The following CDIN1 variants were observed in gnomAD, a reference collection of about 807,000 sequenced individuals.
CDIN1 encodes CDAN1-interacting nuclease 1.
CDIN1 carries 33 observed loss-of-function variants against 45.3 expected under a neutral mutation model. The ratio of observed to expected loss-of-function variants is 0.73; its 90% CI spans 0.55 to 0.97. CDIN1 has a LOEUF of 0.97. Among genes scored for constraint, CDIN1 ranks in the 50% least tolerant of loss-of-function variants. The probability of loss-of-function intolerance (pLI) is 0.00; values close to 1 mark genes in which losing one functional copy is unlikely to be tolerated. For missense variants in CDIN1, 303 were observed against 339.4 expected, an observed-to-expected ratio of 0.89 and a Z score of 0.84; for synonymous variants, 118 against 124.4, an observed-to-expected ratio of 0.95 and a Z score of 0.34.
chr15:36,673,036 G>T (rs956165971), intron 5 of CDIN1, among the ~76,000 whole-genome samples: 7 of 152,242 alleles, frequency 4.6e-5, no homozygotes, highest in Middle Eastern at 3.4e-3. Context: ...AGGTGAGGAA[G>T]AGCAGGTGTA....
intron 10 of CDIN1, among the ~76,000 whole-genome samples, chr15:36,732,660 T>C (rs1476172059): frequency 6.6e-6 from 1 of 152,048 alleles, no homozygotes; most frequent in Non-Finnish European, 1.5e-5. Flanking sequence ...AAGAGGGATA[T>C]AGAATCTGGA....
At chr15:36,600,933 A>T (rs577980763) in intron 1 of CDIN1, among the ~76,000 whole-genome samples, 2 of 152,090 alleles carry the variant, frequency 1.3e-5, no homozygotes, top group Non-Finnish European at 2.9e-5. Flanking sequence ...TCCTATTTCA[A>T]TGGTTAATTC....
At chr15:36,634,258 G>A (rs937371638) in intron 1 of CDIN1, among the ~76,000 whole-genome samples, 6 of 151,910 alleles carry the variant, frequency 3.9e-5, no homozygotes, top group Middle Eastern at 3.4e-3. Context: ...GTGAAACCCC[G>A]TCTCCACTAA....
At chr15:36,686,237 A>G (rs1317685070) in intron 5 of CDIN1, among the ~76,000 whole-genome samples, 4 of 151,716 alleles carry the variant, frequency 2.6e-5, no homozygotes, top group African/African-American at 9.7e-5. Flanking sequence ...GCCATAAAAA[A>G]TGATGAGTTC....
At chr15:36,726,020 G>A (rs954654003) in intron 10 of CDIN1, among the ~76,000 whole-genome samples, 3 of 152,292 alleles carry the variant, frequency 2.0e-5, no homozygotes, top group South Asian at 2.1e-4. Context: ...GGAAAAAGGA[G>A]TATTCAAGTA....
intron 1 of CDIN1, among the ~76,000 whole-genome samples, chr15:36,580,604 T>G (rs764377741): frequency 3.9e-5 from 6 of 152,216 alleles, no homozygotes; most frequent in Non-Finnish European, 8.8e-5. Flanking sequence ...AACACTTCTT[T>G]TTTCAGCGAT....
chr15:36,610,939 A>G (rs1424656415), intron 1 of CDIN1, among the ~76,000 whole-genome samples: 3 of 152,224 alleles, frequency 2.0e-5, no homozygotes, highest in Admixed American at 1.3e-4. Flanking sequence ...TTCAGGTGTT[A>G]TAGCATCTGT....
chr15:36,788,702 C>T (rs2054569915), intron 10 of CDIN1, among the ~76,000 whole-genome samples: 1 of 47,964 alleles, frequency 2.1e-5, no homozygotes, highest in African/African-American at 3.2e-5. Flanking sequence ...AAATTTGTAG[C>T]ATTTAAACAC....
chr15:36,653,538 C>T (rs1022474400), intron 3 of CDIN1, among the ~76,000 whole-genome samples: 4 of 150,858 alleles, frequency 2.7e-5, no homozygotes, highest in African/African-American at 9.7e-5. Context: ...TGTTTTTTTC[C>T]AGTGGAGTGA....
chr15:36,756,470 C>T (rs1413174934), intron 10 of CDIN1, among the ~76,000 whole-genome samples: 2 of 152,200 alleles, frequency 1.3e-5, no homozygotes, highest in Non-Finnish European at 2.9e-5. Flanking sequence ...TCTGCTCTTT[C>T]CCTCTCTCTC....
chr15:36,602,805 C>T (rs921094734), intron 1 of CDIN1, among the ~76,000 whole-genome samples: 10 of 151,874 alleles, frequency 6.6e-5, no homozygotes, highest in African/African-American at 7.3e-5. Flanking sequence ...GGTGAAACCC[C>T]GTCTCTACTA....
chr15:36,690,790 A>C (rs920412111), intron 5 of CDIN1, among the ~76,000 whole-genome samples: 4 of 152,140 alleles, frequency 2.6e-5, no homozygotes, highest in Non-Finnish European at 4.4e-5. Flanking sequence ...GAAATAATCG[A>C]TACCTAGGCA....
intron 10 of CDIN1, among the ~76,000 whole-genome samples, chr15:36,807,460 ATCTC>A (rs1449854357): frequency 1.3e-5 from 2 of 152,186 alleles, no homozygotes; most frequent in African/African-American, 4.8e-5. Context: ...TGTGCAAAAC[ATCTC>A]TCTGTGTGCA....
At position 36,697,366 on chromosome 15, in the gene CDIN1, C is replaced by A; in HGVS notation, c.520C>A (p.Leu174Ile). ...TGAGGTCCTGCTGAGAGACTTGCTT[C>A]TAGAGAAAAACCTGTCCTTCCTAGG... ...EHEVLLRDLL[L>I]EKNLSFLDED... The change falls in exon 8 of 11, where the codon CTA becomes ATA. Residue 174 changes from leucine to isoleucine, a missense_variant. Physicochemically the swap from Leu to Ile is conservative, Grantham distance 5. Transcript: ENST00000566621. 1 of 1,612,176 alleles carries A rather than the reference C, an allele frequency of 6.2e-7. No individual in the cohort carries two copies. Among genetic ancestry groups the A allele is most frequent in the Non-Finnish European group, 8.5e-7 (1 of 1,179,192 alleles).
rs142049069 is a variant in CDIN1 at position 36,591,455 on chromosome 15, C to T, written c.101+11494C>T. ...AACGTTAAAAAGCCCATAGACTCTT[C>T]CAGCCTGTATGTAACAGCCTGTATG... On this transcript the variant is annotated intron_variant, in intron 1 of 10. Transcript: ENST00000566621. Among the ~76,000 whole-genome samples the T allele has an allele frequency of 4.5e-3, 692 of 152,278 alleles. 6 individuals carry two copies. Among genetic ancestry groups the T allele is most frequent in the African/African-American group, 0.016 (670 of 41,566 alleles).
chr15:36,645,078 T>C, intron 2 of CDIN1, 145 bp from the exon 3 acceptor site: 1 of 654,932 alleles, frequency 1.5e-6, no homozygotes, highest in South Asian at 1.9e-5. Flanking sequence ...GGAAAAGAAG[T>C]CCTGCCATCA....
At chr15:36,642,129 C>T (rs140569100) in intron 1 of CDIN1, among the ~76,000 whole-genome samples, 35 of 152,254 alleles carry the variant, frequency 2.3e-4, no homozygotes, top group East Asian at 7.7e-4. Context: ...TATTTCCCTC[C>T]GGTGTCCCTT....
intron 10 of CDIN1, among the ~76,000 whole-genome samples, chr15:36,724,461 A>C (rs1308298476): frequency 1.3e-5 from 2 of 152,186 alleles, no homozygotes; most frequent in Non-Finnish European, 1.5e-5. Flanking sequence ...TGGTGGCAAA[A>C]TAATGATGCT....
rs550903302 is a variant in CDIN1, at chr15:36,762,823, C to T, written c.717-45501C>T. ...CATGTCCCTACAAAGGACATGAACT[C>T]ATCCTTTTTTATGGCTGCATAGTAT... On this transcript the variant is annotated intron_variant, in intron 10 of 10. Coordinates refer to ENST00000566621, the MANE Select transcript of CDIN1 (RefSeq NM_001321759.2). 1.9e-3 allele frequency among the ~76,000 whole-genome samples: 286 copies of T among 152,236 alleles called. 2 individuals carry two copies. The highest frequency in any genetic ancestry group is 6.5e-3 in the African/African-American group (271 of 41,542).
Sources: gnomAD v4.1 joint callset for allele counts (sites outside exome capture counted in the v4.1 genomes callset) on GRCh38, gnomAD v4.1.1 for gene constraint, MANE v1.5 for transcripts, NCBI Gene and HGNC (gene_info 2026-07-23, HGNC 2026-07-21) for gene names.